The following ANKRD7 variants were observed in gnomAD, a reference collection of about 807,000 sequenced individuals.
ANKRD7 encodes the protein ankyrin repeat domain 7, also known as ankyrin repeat domain-containing protein 7.
ANKRD7 carries 30 observed loss-of-function variants against 30.8 expected under a neutral mutation model. The observed-to-expected ratio is 0.97, with a 90% CI of 0.73 to 1.32. The LOEUF (loss-of-function observed/expected upper bound fraction) is 1.32. ANKRD7 is among the 40% of genes most tolerant of loss of function. ANKRD7 has a pLI of 0.00. For missense variants in ANKRD7, 264 were observed against 295.7 expected (o/e 0.89, Z 0.79); for synonymous variants, 97 against 106.6 (o/e 0.91, Z 0.55).
rs1401416826 is a variant in ANKRD7 at position 118,239,398 on chromosome 7, G to A, written c.713-511G>A. The stretch of plus-strand genomic sequence containing the variant: ...GTCCCCCTACTTCTGTGGAAAAATT[G>A]CCTTCCACAATGTCAGTCCCTGGTG... On this transcript the variant is annotated intron_variant, in intron 5 of 6. Transcript: ENST00000265224. 3.9e-5 allele frequency among the ~76,000 whole-genome samples: 6 copies of A among 152,108 alleles called. No homozygotes were observed. The East Asian group carries it at 1.2e-3, about 29-fold the overall frequency.
At chr7:118,231,739 T>C (rs1170222417) in intron 1 of ANKRD7, among the ~76,000 whole-genome samples, 1 of 152,118 alleles carries the variant, frequency 6.6e-6, no homozygotes. Context: ...TTCTGGTATC[T>C]GATCATTCAT....
At chr7:118,236,694 C>A in intron 4 of ANKRD7, 96 bp from the exon 5 acceptor site, 2 of 1,266,150 alleles carry the variant, frequency 1.6e-6, no homozygotes, top group Non-Finnish European at 2.2e-6. Flanking sequence ...CTGATAGAGG[C>A]CCTACATTTG....
At chr7:118,227,770 A>G (rs17141102) in intron 1 of ANKRD7, among the ~76,000 whole-genome samples, 4,890 of 152,284 alleles carry the variant, frequency 0.032, 133 homozygotes, top group East Asian at 0.077. Context: ...ATGTACTATC[A>G]GTGGCTGCCT....
chr7:118,236,988 A>C (rs774803172), intron 5 of ANKRD7, 62 bp downstream of exon 5: 60 of 1,557,324 alleles, frequency 3.9e-5, no homozygotes, highest in Non-Finnish European at 4.8e-5. Flanking sequence ...ATCAAAGCCT[A>C]AGCCCCAAAG....
rs1278785583 is a variant in ANKRD7 at position 118,236,916 on chromosome 7, G to A, written c.702G>A (p.Met234Ile). Residue 234 changes from methionine to isoleucine, a missense_variant, in exon 5 of 7, where the codon ATG (methionine) becomes ATA (isoleucine). Physicochemically the swap from Met to Ile is conservative, Grantham distance 10. Coordinates refer to ENST00000265224, the MANE Select transcript of ANKRD7 (RefSeq NM_019644.4). ...AGCTGAGGAATATGTTTATTTCCAT[G>A]GTTTTACTGCGTAAGTGATACTGCA... ...DSQLRNMFISMVLLHRYPQFT... is the reference protein window; with the variant it reads ...DSQLRNMFISIVLLHRYPQFT... The A allele has an allele frequency of 5.6e-6, 9 of 1,613,704 alleles. No individual in the cohort carries two copies. Among genetic ancestry groups the A allele is most frequent in the Non-Finnish European group, 7.6e-6 (9 of 1,179,796 alleles).
At position 118,227,868 on chromosome 7, in the gene ANKRD7, G is replaced by A. The variant is rs1353024795; in HGVS notation, c.179+2859G>A. 2.2e-6 allele frequency: 3 copies of A among 1,338,126 alleles called. No individual in the cohort carries two copies. In the Admixed American group the frequency reaches 6.2e-5, roughly 28 times the overall value. 82.9% of individuals were successfully genotyped at this position (1,338,126 alleles called of 1,614,324 possible). ...GGGTAAGTGAAAACTATACAGTTAG[G>A]AAAAGGATTTGTATTTAGCTTATTG... On this transcript the variant is annotated intron_variant, in intron 1 of 6. Coordinates refer to ENST00000265224, the MANE Select transcript of ANKRD7 (RefSeq NM_019644.4).
intron 1 of ANKRD7, among the ~76,000 whole-genome samples, chr7:118,228,885 T>C (rs909717626): frequency 6.6e-6 from 1 of 152,168 alleles, no homozygotes; most frequent in East Asian, 1.9e-4. Flanking sequence ...TTCAGCTTAT[T>C]CTCAACACAG....
At chr7:118,241,520 CCTTTTTTTTT>C (rs1562875046) in intron 6 of ANKRD7, among the ~76,000 whole-genome samples, 4 of 85,886 alleles carry the variant, frequency 4.7e-5, no homozygotes, top group African/African-American at 1.7e-4. Flanking sequence ...CTCTGAATTA[CCTTTTTTTTT>C]TTTTTTTTTT....
At chr7:118,238,692 A>G (rs1023282800) in intron 5 of ANKRD7, among the ~76,000 whole-genome samples, 3 of 152,248 alleles carry the variant, frequency 2.0e-5, no homozygotes, top group African/African-American at 7.2e-5. Context: ...GGTTAGCCAT[A>G]ACCCATGCAT....
chr7:118,230,534 T>C (rs1809618085), intron 1 of ANKRD7, among the ~76,000 whole-genome samples: 1 of 152,028 alleles, frequency 6.6e-6, no homozygotes, highest in Admixed American at 6.6e-5. Context: ...ATAAATTGAC[T>C]AGTCAAAATT....
chr7:118,239,776 G>C, intron 5 of ANKRD7, 133 bp from the exon 6 acceptor site: 1 of 419,434 alleles, frequency 2.4e-6, no homozygotes. Flanking sequence ...GTTGGCTCAA[G>C]AGGAAGCTTG....
In ANKRD7 at chr7:118,237,934, A is replaced by G. The variant is rs114056062; in HGVS notation, c.712+1008A>G. Among the ~76,000 whole-genome samples, 396 of 152,284 alleles carry G rather than the reference A, an allele frequency of 2.6e-3. 2 individuals are homozygous for G. Among genetic ancestry groups the G allele is most frequent in the African/African-American group, 9.0e-3 (375 of 41,584 alleles). ...CTATAAAAGGATTCTTCACTCTACAAAAGTGATCCCTAATGTTTCTTTTAT... is the reference window on the plus strand; with the variant it reads ...CTATAAAAGGATTCTTCACTCTACAGAAGTGATCCCTAATGTTTCTTTTAT... On this transcript the variant is annotated intron_variant, in intron 5 of 6. Coordinates refer to ENST00000265224, the MANE Select transcript of ANKRD7 (RefSeq NM_019644.4).
intron 1 of ANKRD7, 29 bp downstream of exon 1, chr7:118,225,038 G>A: frequency 6.2e-7 from 1 of 1,611,494 alleles, no homozygotes; most frequent in East Asian, 2.2e-5. Flanking sequence ...CAGCGCGGGA[G>A]GACGGGTTGG....
intron 5 of ANKRD7, 140 bp downstream of exon 5, chr7:118,237,066 T>A (rs1809742643): frequency 2.2e-6 from 2 of 894,850 alleles, no homozygotes; most frequent in Non-Finnish European, 3.3e-6. Context: ...TTCTTGATTT[T>A]CTCTGTTTGT....
chr7:118,238,042 G>T (rs568190317), intron 5 of ANKRD7, among the ~76,000 whole-genome samples: 1 of 152,034 alleles, frequency 6.6e-6, no homozygotes, highest in South Asian at 2.1e-4. Context: ...GTATCTATTG[G>T]TCAAAAACAG....
chr7:118,240,760 G>A (rs4727862), intron 6 of ANKRD7, among the ~76,000 whole-genome samples: 18 of 151,960 alleles, frequency 1.2e-4, no homozygotes, highest in African/African-American at 3.1e-4. Flanking sequence ...TAAGATATAC[G>A]AATTAATTAT....
rs531393679 is a variant in ANKRD7, at chr7:118,225,151, A to G, written c.179+142A>G. On this transcript the variant is annotated intron_variant, in intron 1 of 6. Coordinates refer to ENST00000265224, the MANE Select transcript of ANKRD7 (RefSeq NM_019644.4). The stretch of plus-strand genomic sequence containing the variant: ...GAGAGATTGTCTGGTAACCATTGGC[A>G]GAGGGTCCCACTCCAACTTTCGGCT... 1,491 of 959,556 alleles carry G rather than the reference A, an allele frequency of 1.6e-3. 25 individuals carry two copies. The South Asian group carries it at 0.024, about 15-fold the overall frequency. The allele number at this position is 959,556 out of a possible 1,614,324, so 59.4% of individuals were successfully genotyped here.
intron 5 of ANKRD7, among the ~76,000 whole-genome samples, chr7:118,238,382 A>T (rs1340025522): frequency 6.6e-6 from 1 of 152,182 alleles, no homozygotes; most frequent in Non-Finnish European, 1.5e-5. Flanking sequence ...GGATGTGGAA[A>T]TGATCAACAT....
chr7:118,232,290 A>G (rs905925808), intron 1 of ANKRD7, among the ~76,000 whole-genome samples: 6 of 152,026 alleles, frequency 3.9e-5, no homozygotes, highest in Non-Finnish European at 7.4e-5. Flanking sequence ...TTAAATCTGT[A>G]TGTTTTTTAA....
Sources: allele counts gnomAD v4.1 joint callset (sites outside exome capture counted in the v4.1 genomes callset), GRCh38; gene constraint gnomAD v4.1.1; transcripts MANE v1.5; gene names NCBI Gene and HGNC (gene_info 2026-07-23, HGNC 2026-07-21).